BACH2: variants seen among roughly 807,000 people sequenced by gnomAD.
BACH2 encodes the protein BACH transcriptional regulator 2, also known as transcription regulator protein BACH2.
In BACH2, 5 loss-of-function variants were observed where a neutral mutation model predicts 61.8. The ratio of observed to expected loss-of-function variants is 0.08; its 90% CI spans 0.04 to 0.17. BACH2 has a LOEUF of 0.17. Ranked by LOEUF, BACH2 falls within the 10% of genes least tolerant of loss-of-function variation. BACH2 has a pLI of 1.00. For synonymous variants in BACH2, 446 were observed against 440.1 expected (o/e 1.01, Z -0.17); for missense variants, 824 against 1,091.1 (o/e 0.76, Z 3.45).
chr6:89,978,104 G>A (rs1045108902), intron 6 of BACH2, among the ~76,000 whole-genome samples: 5 of 152,094 alleles, frequency 3.3e-5, no homozygotes. Context: ...GAAATAAACC[G>A]CATTTTCAAG....
chr6:90,253,908 T>C (rs1770893724), intron 2 of BACH2, among the ~76,000 whole-genome samples: 1 of 152,144 alleles, frequency 6.6e-6, no homozygotes, highest in African/African-American at 2.4e-5. Context: ...TTTTTTAAAC[T>C]ATCATGGCAC....
chr6:90,120,437 G>C (rs1201689587), intron 4 of BACH2, among the ~76,000 whole-genome samples: 1 of 152,136 alleles, frequency 6.6e-6, no homozygotes, highest in Admixed American at 6.5e-5. Context: ...ATAAGTACAA[G>C]GTTATCAGAG....
intron 8 of BACH2, among the ~76,000 whole-genome samples, chr6:89,933,214 G>A (rs998131881): frequency 2.6e-5 from 4 of 152,108 alleles, no homozygotes; most frequent in Non-Finnish European, 4.4e-5. Flanking sequence ...GGGGTTTGTA[G>A]AGAGTTAAAT....
intron 2 of BACH2, among the ~76,000 whole-genome samples, chr6:90,265,579 G>A (rs1221784698): frequency 1.3e-5 from 2 of 152,268 alleles, no homozygotes; most frequent in African/African-American, 2.4e-5. Flanking sequence ...TAAACACCAC[G>A]CTGCAGAACA....
chr6:90,254,415 A>C (rs570495675), intron 2 of BACH2, among the ~76,000 whole-genome samples: 1 of 152,210 alleles, frequency 6.6e-6, no homozygotes, highest in South Asian at 2.1e-4. Flanking sequence ...GGTTGCTCTA[A>C]GGGAGTAGTG....
At chr6:90,267,799 A>G (rs1030675345) in intron 2 of BACH2, among the ~76,000 whole-genome samples, 1 of 152,198 alleles carries the variant, frequency 6.6e-6, no homozygotes, top group Non-Finnish European at 1.5e-5. Flanking sequence ...CCATTTTCAT[A>G]GCAGAAAAAA....
rs1405945934 is a variant in BACH2 at position 90,012,697 on chromosome 6, C to T, written c.-12-3841G>A. Among the ~76,000 whole-genome samples, 4 of 151,820 alleles carry T rather than the reference C, an allele frequency of 2.6e-5. No homozygotes were observed. In the East Asian group the frequency reaches 7.8e-4, roughly 30 times the overall value. ...TGAAAATTTTTTTTGGAGACAGTCTCACTCTGTCACCCAGATGGAGTGCAG... is the reference window on the plus strand; with the variant it reads ...TGAAAATTTTTTTTGGAGACAGTCTTACTCTGTCACCCAGATGGAGTGCAG... On this transcript the variant is annotated intron_variant, in intron 5 of 8. Coordinates refer to ENST00000257749, the MANE Select transcript of BACH2 (RefSeq NM_021813.4).
chr6:89,956,165 C>A (rs1166312508), intron 6 of BACH2, among the ~76,000 whole-genome samples: 1 of 152,192 alleles, frequency 6.6e-6, no homozygotes, highest in Non-Finnish European at 1.5e-5. Context: ...ATTTTGAATG[C>A]CTCATTTCGA....
intron 6 of BACH2, among the ~76,000 whole-genome samples, chr6:89,978,914 G>T (rs1775802259): frequency 6.6e-6 from 1 of 152,160 alleles, no homozygotes; most frequent in African/African-American, 2.4e-5. Flanking sequence ...GCTCGTGGGA[G>T]CAACTACCCT....
chr6:90,165,688 T>A (rs1315190547), intron 4 of BACH2, among the ~76,000 whole-genome samples: 1 of 152,154 alleles, frequency 6.6e-6, no homozygotes, highest in Non-Finnish European at 1.5e-5. Flanking sequence ...CAAAACAGCA[T>A]GGTACTGGTA....
intron 1 of BACH2, among the ~76,000 whole-genome samples, chr6:90,292,084 G>A (rs1772198531): frequency 6.6e-6 from 1 of 152,172 alleles, no homozygotes; most frequent in Admixed American, 6.5e-5. Flanking sequence ...CATGTTCTCT[G>A]TATGTCACAG....
intron 5 of BACH2, among the ~76,000 whole-genome samples, chr6:90,078,768 G>C (rs775311765): frequency 6.6e-6 from 1 of 152,156 alleles, no homozygotes; most frequent in Non-Finnish European, 1.5e-5. Flanking sequence ...AGGCCTAGGA[G>C]AGGTTAACAG....
chr6:90,090,428 A>AT (rs1782113362), intron 4 of BACH2, among the ~76,000 whole-genome samples: 2 of 152,134 alleles, frequency 1.3e-5, no homozygotes, highest in East Asian at 1.9e-4. Context: ...ACCAATTTAT[A>AT]TTTTTTTTCA....
chr6:90,080,855 G>A (rs1244623014), intron 5 of BACH2: 37 of 823,112 alleles, frequency 4.5e-5, no homozygotes, highest in Admixed American at 6.2e-5. Flanking sequence ...TTCATGCGCG[G>A]TACTCGAGCA....
At chr6:89,970,413 AG>A (rs1181822258) in intron 6 of BACH2, among the ~76,000 whole-genome samples, 1 of 152,258 alleles carries the variant, frequency 6.6e-6, no homozygotes, top group Non-Finnish European at 1.5e-5. Context: ...AGAATGTCAA[AG>A]GGGTTTATTA....
chr6:89,957,683 G>A lies in BACH2; in HGVS notation c.244-5821C>T, dbSNP rs118165466. 5.9e-5 allele frequency among the ~76,000 whole-genome samples: 9 copies of A among 152,080 alleles called. No homozygotes were observed. The East Asian group carries it at 1.6e-3, about 26-fold the overall frequency. On this transcript the variant is annotated intron_variant, in intron 6 of 8. Coordinates refer to ENST00000257749, the MANE Select transcript of BACH2 (RefSeq NM_021813.4). The stretch of plus-strand genomic sequence containing the variant: ...AGCCTCTTGAATAGCTGGGACTATC[G>A]GCATATACCACTATGCCCAGCTAAT...
rs566986492 is a variant in BACH2, at chr6:90,082,477, T to C, written c.-13+6484A>G. Among the ~76,000 whole-genome samples the C allele has an allele frequency of 2.8e-4, 42 of 152,292 alleles. 1 individual carries two copies. In the South Asian group the frequency reaches 8.5e-3, roughly 31 times the overall value. Reference sequence around the variant, plus strand: ...AAAAAAAGTAACAAGGAGATCACTGTCCTATAAGATGACACTTAAAGGCAT... The same window carrying C: ...AAAAAAAGTAACAAGGAGATCACTGCCCTATAAGATGACACTTAAAGGCAT... On this transcript the variant is annotated intron_variant, in intron 5 of 8. Coordinates refer to ENST00000257749, the MANE Select transcript of BACH2 (RefSeq NM_021813.4).
Position 90,183,015 on chromosome 6 carries a change from A to G in BACH2, c.-162+23554T>C, listed in dbSNP as rs920443499. Among the ~76,000 whole-genome samples the G allele has an allele frequency of 3.8e-4, 58 of 152,168 alleles. 1 individual carries two copies. The highest frequency in any genetic ancestry group is 1.4e-3 in the African/African-American group (58 of 41,428). ...CTAATATTTTGAGAACACACCACATAATGTTTTCATTTTTATAAAACAAAG... is the reference window on the plus strand; with the variant it reads ...CTAATATTTTGAGAACACACCACATGATGTTTTCATTTTTATAAAACAAAG... On this transcript the variant is annotated intron_variant, in intron 4 of 8. Transcript: ENST00000257749.
At chr6:90,135,305 A>G (rs191345006) in intron 4 of BACH2, among the ~76,000 whole-genome samples, 2 of 152,250 alleles carry the variant, frequency 1.3e-5, no homozygotes, top group East Asian at 3.9e-4. Context: ...TATCGCTCAC[A>G]TTTTGAGAAT....
Sources: allele counts gnomAD v4.1 joint callset (sites outside exome capture counted in the v4.1 genomes callset), GRCh38; gene constraint gnomAD v4.1.1; transcripts MANE v1.5; gene names NCBI Gene and HGNC (gene_info 2026-07-23, HGNC 2026-07-21).